SEPTIN7: variants seen among roughly 807,000 people sequenced by gnomAD.
SEPTIN7 encodes the protein septin-7.
In SEPTIN7, 10 loss-of-function variants were observed where a neutral mutation model predicts 63.3. The ratio of observed to expected loss-of-function variants is 0.16; its 90% CI spans 0.10 to 0.27. The LOEUF is 0.27. Ranked by LOEUF, SEPTIN7 falls within the 10% of genes least tolerant of loss-of-function variation. SEPTIN7 has a pLI of 1.00. For missense variants in SEPTIN7, 310 were observed against 521.0 expected, an observed-to-expected ratio of 0.59 and a Z score of 3.94; for synonymous variants, 131 against 165.3, an observed-to-expected ratio of 0.79 and a Z score of 1.59.
chr7:35,882,652 A>C lies in SEPTIN7; in HGVS notation c.723+76A>C, dbSNP rs193062023. 439 of 1,213,926 alleles carry C rather than the reference A, an allele frequency of 3.6e-4. 3 individuals are homozygous for C. In the African/African-American group the frequency reaches 6.1e-3, roughly 17 times the overall value. The allele number at this position is 1,213,926 out of a possible 1,614,324, so 75.2% of individuals were successfully genotyped here. On this transcript the variant is annotated intron_variant, in intron 8 of 13. Coordinates refer to ENST00000350320, the MANE Select transcript of SEPTIN7 (RefSeq NM_001788.6). Reference sequence around the variant, plus strand: ...TACTACAGCGTCCACAGGAAAGATCAAAAGTATCAGTGTTTTAAGTAGTTG... The same window carrying C: ...TACTACAGCGTCCACAGGAAAGATCCAAAGTATCAGTGTTTTAAGTAGTTG...
At chr7:35,801,892 C>G (rs1201940458) in intron 1 of SEPTIN7, among the ~76,000 whole-genome samples, 1 of 152,126 alleles carries the variant, frequency 6.6e-6, no homozygotes, top group African/African-American at 2.4e-5. Flanking sequence ...CTCCCCGCTC[C>G]TCCTCCCGCC....
At chr7:35,832,719 G>T (rs1363086786) in intron 2 of SEPTIN7, 79 bp from the exon 3 acceptor site, 1 of 816,746 alleles carries the variant, frequency 1.2e-6, no homozygotes. Context: ...TCTAAAATAG[G>T]TTAATGAAGG....
At chr7:35,839,393 T>A (rs954583391) in intron 3 of SEPTIN7, among the ~76,000 whole-genome samples, 1 of 152,246 alleles carries the variant, frequency 6.6e-6, no homozygotes, top group Non-Finnish European at 1.5e-5. Flanking sequence ...TGATTTGTTT[T>A]GTTTAATCTC....
chr7:35,849,117 T>A lies in SEPTIN7; in HGVS notation c.170-14435T>A, dbSNP rs1377056661. 2.0e-5 allele frequency among the ~76,000 whole-genome samples: 3 copies of A among 152,240 alleles called. No individual in the cohort carries two copies. The East Asian group carries it at 5.8e-4, about 29-fold the overall frequency. ...AGAGCTTGTTTAGCTTGCCTTTTAG[T>A]ATTAGCATGTACATCAGTGTGTATG... On this transcript the variant is annotated intron_variant, in intron 3 of 13. Transcript: ENST00000350320.
At chr7:35,878,434 G>A (rs932237460) in intron 6 of SEPTIN7, among the ~76,000 whole-genome samples, 1 of 152,048 alleles carries the variant, frequency 6.6e-6, no homozygotes, top group African/African-American at 2.4e-5. Flanking sequence ...AAGAGATGAG[G>A]TTAGCTTGAG....
chr7:35,830,125 G>T (rs1030976390), intron 1 of SEPTIN7, among the ~76,000 whole-genome samples: 36 of 152,024 alleles, frequency 2.4e-4, no homozygotes, highest in African/African-American at 8.7e-4. Flanking sequence ...AGAGGTTGCA[G>T]TGAGCCGAGA....
chr7:35,804,927 G>A (rs1007324444), intron 1 of SEPTIN7, among the ~76,000 whole-genome samples: 1 of 146,148 alleles, frequency 6.8e-6, no homozygotes, highest in African/African-American at 2.6e-5. Flanking sequence ...ACCTCTGTCT[G>A]CCTCCTGGGT....
chr7:35,904,457 ATGCCT>A lies in SEPTIN7; in HGVS notation c.*167_*171del, dbSNP rs1448376160. 5.9e-6 allele frequency: 3 copies of A among 510,056 alleles called. No individual in the cohort carries two copies. The highest frequency in any genetic ancestry group is 1.0e-5 in the Non-Finnish European group (3 of 295,334). The allele number at this position is 510,056 out of a possible 1,614,324, so 31.6% of individuals were successfully genotyped here. On this transcript the variant is annotated 3_prime_UTR_variant, in exon 14 of 14. Coordinates refer to ENST00000350320, the MANE Select transcript of SEPTIN7 (RefSeq NM_001788.6). Reference sequence around the variant, plus strand: ...TTTTTTGTTCTTGATGGAGATTAAGATGCCTTGAATTGTCTAGGGTGTTCTGTACT... The same window carrying A: ...TTTTTTGTTCTTGATGGAGATTAAGATGAATTGTCTAGGGTGTTCTGTACT...
intron 1 of SEPTIN7, among the ~76,000 whole-genome samples, chr7:35,814,446 C>T (rs1788920086): frequency 6.6e-6 from 1 of 151,726 alleles, no homozygotes; most frequent in African/African-American, 2.4e-5. Flanking sequence ...AATCTTTGGT[C>T]CATTTTTAAA....
Position 35,803,846 on chromosome 7 carries a change from C to T in SEPTIN7, c.61+2576C>T, listed in dbSNP as rs143114720. On this transcript the variant is annotated intron_variant, in intron 1 of 13. Coordinates refer to ENST00000350320, the MANE Select transcript of SEPTIN7 (RefSeq NM_001788.6). ...AGGTAGTTTGATTATGGGTTTAGTT[C>T]GCTATATGAGAGCATACTGTTAAAT... 5.2e-3 allele frequency among the ~76,000 whole-genome samples: 799 copies of T among 152,196 alleles called. 10 individuals carry two copies. The highest frequency in any genetic ancestry group is 0.018 in the African/African-American group (768 of 41,516).
chr7:35,825,607 C>T (rs1322627820), intron 1 of SEPTIN7, among the ~76,000 whole-genome samples: 1 of 152,116 alleles, frequency 6.6e-6, no homozygotes, highest in Non-Finnish European at 1.5e-5. Context: ...TTTTAATTGT[C>T]CTCTAGCTTA....
At chr7:35,837,306 T>C (rs1031089491) in intron 3 of SEPTIN7, among the ~76,000 whole-genome samples, 3 of 152,164 alleles carry the variant, frequency 2.0e-5, no homozygotes, top group Non-Finnish European at 4.4e-5. Flanking sequence ...AAATGTGTAG[T>C]TAAATTGTGA....
chr7:35,828,745 G>A (rs1783650046), intron 1 of SEPTIN7, among the ~76,000 whole-genome samples: 1 of 152,044 alleles, frequency 6.6e-6, no homozygotes, highest in African/African-American at 2.4e-5. Context: ...GCATGGCGAT[G>A]ATTCCTAAAT....
At chr7:35,810,655 C>T (rs1280332879) in intron 1 of SEPTIN7, among the ~76,000 whole-genome samples, 2 of 151,884 alleles carry the variant, frequency 1.3e-5, no homozygotes, top group East Asian at 1.9e-4. Flanking sequence ...TCAGCTGGTA[C>T]GTTTCACAGC....
chr7:35,873,551 C>A, intron 5 of SEPTIN7, 90 bp from the exon 6 acceptor site: 1 of 1,266,346 alleles, frequency 7.9e-7, no homozygotes, highest in Non-Finnish European at 1.1e-6. Context: ...TCATTTTGCC[C>A]ATTTGAAAAT....
At position 35,873,642 on chromosome 7, in the gene SEPTIN7, T is replaced by G. The variant is rs1428910812; in HGVS notation, c.379T>G (p.Trp127Gly). Residue 127 changes from tryptophan to glycine, a missense_variant and splice_region_variant, in exon 6 of 14, where the codon TGG becomes GGG. Transcript: ENST00000350320. ...FGDAVDNSNCWQPVIDYIDSK... is the reference protein window; with the variant it reads ...FGDAVDNSNCGQPVIDYIDSK... ...GTTTTGTTTATTTGCGTTCTATAGC[T>G]GGCAGCCTGTTATCGACTACATTGA... 6.2e-7 allele frequency: 1 copy of G among 1,608,420 alleles called. No individual in the cohort carries two copies. The highest frequency in any genetic ancestry group is 8.5e-7 in the Non-Finnish European group (1 of 1,177,978).
intron 3 of SEPTIN7, among the ~76,000 whole-genome samples, chr7:35,844,211 G>A (rs534179180): frequency 6.6e-6 from 1 of 152,304 alleles, no homozygotes; most frequent in Non-Finnish European, 1.5e-5. Flanking sequence ...ATTACATTTA[G>A]TTGAATAAAG....
chr7:35,875,875 G>T (rs946230682), intron 6 of SEPTIN7, among the ~76,000 whole-genome samples: 1 of 151,970 alleles, frequency 6.6e-6, no homozygotes, highest in Admixed American at 6.6e-5. Context: ...CTCTAGTATG[G>T]GTTTATCTTC....
chr7:35,813,224 C>G (rs543828206), intron 1 of SEPTIN7, among the ~76,000 whole-genome samples: 1 of 152,286 alleles, frequency 6.6e-6, no homozygotes, highest in East Asian at 1.9e-4. Context: ...ACAGCAGATA[C>G]TGGAATTCAG....
Sources: gnomAD v4.1 joint callset for allele counts (sites outside exome capture counted in the v4.1 genomes callset) on GRCh38, gnomAD v4.1.1 for gene constraint, MANE v1.5 for transcripts, NCBI Gene and HGNC (gene_info 2026-07-23, HGNC 2026-07-21) for gene names.